USP13: variants seen among roughly 807,000 people sequenced by gnomAD.
USP13 encodes ubiquitin specific peptidase 13.
USP13 carries 68 observed loss-of-function variants against 107.8 expected under a neutral mutation model. The observed-to-expected ratio is 0.63, with a 90% CI of 0.52 to 0.77. USP13 has a LOEUF of 0.77. Ranked by LOEUF, USP13 falls within the 30% of genes least tolerant of loss-of-function variation. The pLI, the probability that USP13 is intolerant of heterozygous loss-of-function variation, is 0.00. For missense variants in USP13, 945 were observed against 1,093.3 expected (o/e 0.86, Z 1.91); for synonymous variants, 377 against 389.5 (o/e 0.97, Z 0.38).
intron 8 of USP13, among the ~76,000 whole-genome samples, chr3:179,728,229 G>C: frequency 6.7e-6 from 1 of 149,642 alleles, no homozygotes; most frequent in Non-Finnish European, 1.5e-5. Flanking sequence ...GCCAGACGAG[G>C]TGGCTGCCGG....
intron 19 of USP13, among the ~76,000 whole-genome samples, chr3:179,769,886 A>G (rs1715292842): frequency 1.3e-5 from 2 of 152,120 alleles, no homozygotes; most frequent in Non-Finnish European, 2.9e-5. Flanking sequence ...TCATTTGATT[A>G]TTTGTTAAGG....
At chr3:179,777,667 G>T (rs553490420) in intron 19 of USP13, among the ~76,000 whole-genome samples, 2 of 151,604 alleles carry the variant, frequency 1.3e-5, no homozygotes, top group South Asian at 4.2e-4. Context: ...GCCCAGGCTG[G>T]TCTCAAACTC....
At chr3:179,761,079 T>C (rs1347370002) in intron 16 of USP13, 33 bp from the exon 17 acceptor site, 3 of 1,612,956 alleles carry the variant, frequency 1.9e-6, no homozygotes, top group Non-Finnish European at 2.5e-6. Flanking sequence ...CAGTTTCCTC[T>C]TTCACACTAG....
Position 179,670,916 on chromosome 3 carries a change from C to T in USP13, c.169-10962C>T, listed in dbSNP as rs567986843. On this transcript the variant is annotated intron_variant, in intron 1 of 20. Transcript: ENST00000263966. ...TTTTACCATGTTGGCCAAGCTGGCT[C>T]GAACTCCTGACCTCAGGTGATCCGT... Among the ~76,000 whole-genome samples, 3 of 152,078 alleles carry T rather than the reference C, an allele frequency of 2.0e-5. No homozygotes were observed. In the East Asian group the frequency reaches 5.9e-4, roughly 30 times the overall value.
At position 179,744,356 on chromosome 3, in the gene USP13, T is replaced by G. The variant is rs13326026; in HGVS notation, c.1535-687T>G. 2.2e-3 allele frequency among the ~76,000 whole-genome samples: 137 copies of G among 62,752 alleles called. 3 individuals are homozygous for G. Among genetic ancestry groups the G allele is most frequent in the African/African-American group, 5.2e-3 (130 of 24,786 alleles). The allele number at this position is 62,752 out of a possible 152,430, so 41.2% of individuals were successfully genotyped here. A position where few individuals can be genotyped will look rare whatever the true frequency, so the allele number is the denominator to read the frequency against. On this transcript the variant is annotated intron_variant, in intron 12 of 20. Transcript: ENST00000263966. ...AGTGGTGGTTCTGTTTTTTTTTTTG[T>G]TTTGTTTTGTTTTTTTCTGCCTTTG...
intron 1 of USP13, among the ~76,000 whole-genome samples, chr3:179,674,027 G>A (rs1312262211): frequency 6.6e-6 from 1 of 152,200 alleles, no homozygotes; most frequent in Non-Finnish European, 1.5e-5. Flanking sequence ...CTGAGTAGCT[G>A]GGATTACAGG....
rs530069338 is a variant in USP13 at position 179,758,639 on chromosome 3, C to T, written c.1948+1561C>T. On this transcript the variant is annotated intron_variant, in intron 16 of 20. Transcript: ENST00000263966. ...TCAGCCTCCCGAGTAGCTGGGACTA[C>T]AGGCGCCTGCCACCACAACCGGCTC... 2.6e-3 allele frequency among the ~76,000 whole-genome samples: 396 copies of T among 151,696 alleles called. 3 individuals are homozygous for T. The highest frequency in any genetic ancestry group is 9.3e-3 in the African/African-American group (383 of 41,316).
intron 2 of USP13, among the ~76,000 whole-genome samples, chr3:179,683,072 T>A (rs925189283): frequency 2.0e-5 from 3 of 151,902 alleles, no homozygotes; most frequent in Non-Finnish European, 4.4e-5. Context: ...TTTTTTTTTC[T>A]TGTTGGATTT....
chr3:179,680,173 A>AAACAAC (rs56274945), intron 1 of USP13, among the ~76,000 whole-genome samples: 2,722 of 150,270 alleles, frequency 0.018, 73 homozygotes, highest in African/African-American at 0.06. Context: ...ACGCTGTTGA[A>AAACAAC]AACAACAACA....
intron 13 of USP13, among the ~76,000 whole-genome samples, chr3:179,749,270 A>G (rs1028681321): frequency 3.3e-5 from 5 of 152,246 alleles, no homozygotes; most frequent in African/African-American, 1.2e-4. Flanking sequence ...ACAACAACAC[A>G]GTATTGTTGT....
At chr3:179,774,627 A>G (rs1715454576) in intron 19 of USP13, among the ~76,000 whole-genome samples, 1 of 152,208 alleles carries the variant, frequency 6.6e-6, no homozygotes, top group Non-Finnish European at 1.5e-5. Flanking sequence ...CAGCTCATAA[A>G]GGTAGTGGAG....
intron 17 of USP13, among the ~76,000 whole-genome samples, chr3:179,763,291 C>T (rs990020174): frequency 6.6e-6 from 1 of 152,056 alleles, no homozygotes; most frequent in African/African-American, 2.4e-5. Context: ...AAACCATTGC[C>T]TAATCCAATG....
chr3:179,779,616 A>G (rs1467289521), intron 19 of USP13, among the ~76,000 whole-genome samples: 1 of 152,022 alleles, frequency 6.6e-6, no homozygotes, highest in African/African-American at 2.4e-5. Context: ...CCTGGCACTA[A>G]ACCGTTGGTA....
intron 8 of USP13, among the ~76,000 whole-genome samples, chr3:179,723,997 T>A (rs11916494): frequency 0.079 from 11,175 of 140,778 alleles, 493 homozygotes; most frequent in East Asian, 0.19. Flanking sequence ...TACAAAAATT[T>A]AAAAAAAAAA....
rs762334546 is a variant in USP13, at chr3:179,690,223, C to T, written c.295-18C>T. ...ATTTTATAGGCCGCATTTTAATGAT[C>T]TTTTGTTTTCTTTTCAGAAGGTAAG... is the stretch of plus-strand genomic sequence containing the variant. On this transcript the variant is annotated intron_variant, in intron 2 of 20. Coordinates refer to ENST00000263966, the MANE Select transcript of USP13 (RefSeq NM_003940.3). The T allele has an allele frequency of 7.4e-6, 12 of 1,610,944 alleles. No homozygotes were observed. Among genetic ancestry groups the T allele is most frequent in the African/African-American group, 5.4e-5 (4 of 74,570 alleles).
chr3:179,718,800 G>A (rs1172932078), intron 6 of USP13, among the ~76,000 whole-genome samples: 1 of 151,638 alleles, frequency 6.6e-6, no homozygotes, highest in Non-Finnish European at 1.5e-5. Context: ...GTCTCTCTCT[G>A]TCGCCCAGGC....
At chr3:179,771,789 G>C (rs1332549621) in intron 19 of USP13, among the ~76,000 whole-genome samples, 2 of 152,142 alleles carry the variant, frequency 1.3e-5, no homozygotes, top group Non-Finnish European at 2.9e-5. Flanking sequence ...TTCCTTTTAG[G>C]AATATGTTAA....
chr3:179,711,441 G>T (rs1224265942), intron 6 of USP13, among the ~76,000 whole-genome samples: 7 of 152,152 alleles, frequency 4.6e-5, no homozygotes, highest in Non-Finnish European at 1.0e-4. Flanking sequence ...TTGAACTCCT[G>T]ACCTCAGGTG....
intron 4 of USP13, 79 bp downstream of exon 4, chr3:179,701,208 CGGGGGTGGGGT>C: frequency 1.3e-5 from 1 of 77,558 alleles, no homozygotes; most frequent in South Asian, 1.1e-4. Context: ...TGTGTGTGTG[CGGGGGTGGGGT>C]GGGGTGGGAA....
Sources: allele counts gnomAD v4.1 joint callset (sites outside exome capture counted in the v4.1 genomes callset), GRCh38; gene constraint gnomAD v4.1.1; transcripts MANE v1.5; gene names NCBI Gene and HGNC (gene_info 2026-07-23, HGNC 2026-07-21).